ODAD2: variants seen among roughly 807,000 people sequenced by gnomAD.
ODAD2 encodes the protein outer dynein arm docking complex subunit 2.
A neutral mutation model predicts 106.8 loss-of-function variants in ODAD2; 89 were observed. The ratio of observed to expected loss-of-function variants is 0.83; its 90% confidence interval spans 0.70 to 0.99. ODAD2 has a LOEUF of 0.99. Among genes scored for constraint, ODAD2 ranks in the 50% least tolerant of loss-of-function variants. The probability of loss-of-function intolerance (pLI) is 0.00; values close to 1 mark genes in which losing one functional copy is unlikely to be tolerated. For synonymous variants in ODAD2, 404 were observed against 436.2 expected, an observed-to-expected ratio of 0.93 and a Z score of 0.92; for missense variants, 1,168 against 1,238.5, an observed-to-expected ratio of 0.94 and a Z score of 0.85.
At chr10:27,994,863 T>C in intron 2 of ODAD2, 56 bp downstream of exon 2, 1 of 1,578,574 alleles carries the variant, frequency 6.3e-7, no homozygotes, top group Non-Finnish European at 8.6e-7. Context: ...TAGAACCAAT[T>C]GATAATACTA....
chr10:27,937,569 T>C (rs991102871), intron 14 of ODAD2, among the ~76,000 whole-genome samples: 1 of 152,210 alleles, frequency 6.6e-6, no homozygotes, highest in African/African-American at 2.4e-5. Context: ...AAATATTTAC[T>C]GCACAGATGG....
chr10:27,893,193 TAAAAG>T (rs1842669585), intron 17 of ODAD2, among the ~76,000 whole-genome samples: 1 of 151,148 alleles, frequency 6.6e-6, no homozygotes. Context: ...GAAAGAAAAG[TAAAAG>T]AAAAGAGAAA....
chr10:27,954,304 TA>T (rs1273018613), intron 10 of ODAD2, among the ~76,000 whole-genome samples: 1 of 152,196 alleles, frequency 6.6e-6, no homozygotes, highest in Non-Finnish European at 1.5e-5. Flanking sequence ...AAGCATATTT[TA>T]AGGAACAAAA....
chr10:27,961,764 T>G (rs370903148), intron 9 of ODAD2, 49 bp from the exon 10 acceptor site: 2 of 1,548,448 alleles, frequency 1.3e-6, no homozygotes, highest in African/African-American at 2.7e-5. Context: ...AGTGTGGAGA[T>G]CTATTAAGAC....
At chr10:27,872,705 C>A (rs548855378) in intron 17 of ODAD2, among the ~76,000 whole-genome samples, 1 of 151,886 alleles carries the variant, frequency 6.6e-6, no homozygotes, top group Non-Finnish European at 1.5e-5. Flanking sequence ...AGGGATGAAG[C>A]CCACTTGATC....
At chr10:27,945,105 T>C (rs1846802343) in intron 10 of ODAD2, 143 bp from the exon 11 acceptor site, 1 of 911,344 alleles carries the variant, frequency 1.1e-6, no homozygotes, top group Non-Finnish European at 1.7e-6. Flanking sequence ...AGCCGAAGCA[T>C]GGAAAAGCTG....
chr10:27,843,302 A>G (rs1420721210), intron 19 of ODAD2, among the ~76,000 whole-genome samples: 3 of 152,242 alleles, frequency 2.0e-5, no homozygotes, highest in African/African-American at 7.2e-5. Flanking sequence ...GATCGAGCTG[A>G]ATCAATAGTA....
chr10:27,866,207 T>C (rs1371009522), intron 17 of ODAD2, among the ~76,000 whole-genome samples: 2 of 152,138 alleles, frequency 1.3e-5, no homozygotes, highest in African/African-American at 2.4e-5. Flanking sequence ...TTGAGGCAGT[T>C]AGTGGTGGTA....
intron 16 of ODAD2, among the ~76,000 whole-genome samples, chr10:27,914,709 T>C (rs921886479): frequency 6.6e-6 from 1 of 151,466 alleles, no homozygotes; most frequent in Admixed American, 6.6e-5. Flanking sequence ...TGTGTGTGTA[T>C]ATAAATATGC....
intron 17 of ODAD2, among the ~76,000 whole-genome samples, chr10:27,900,690 G>C (rs1182937312): frequency 1.3e-5 from 2 of 152,096 alleles, no homozygotes; most frequent in Admixed American, 1.3e-4. Context: ...TAGCTGAATC[G>C]ATCAGGCGGA....
chr10:27,829,023 C>T (rs1028961154), intron 19 of ODAD2, among the ~76,000 whole-genome samples: 5 of 151,860 alleles, frequency 3.3e-5, no homozygotes, highest in Non-Finnish European at 2.9e-5. Context: ...ATTTAAAATA[C>T]ATGATGGGAT....
chr10:27,977,522 G>T (rs959024130), intron 7 of ODAD2, among the ~76,000 whole-genome samples: 1 of 151,892 alleles, frequency 6.6e-6, no homozygotes, highest in South Asian at 2.1e-4. Flanking sequence ...AGCCAAGATC[G>T]ATCATGCCAC....
At chr10:27,942,886 A>G (rs1846558463) in intron 12 of ODAD2, among the ~76,000 whole-genome samples, 1 of 152,228 alleles carries the variant, frequency 6.6e-6, no homozygotes, top group South Asian at 2.1e-4. Context: ...ATACATTTAT[A>G]GTGCTTTACA....
At chr10:27,919,520 A>C (rs1467816760) in intron 16 of ODAD2, among the ~76,000 whole-genome samples, 1 of 152,152 alleles carries the variant, frequency 6.6e-6, no homozygotes, top group African/African-American at 2.4e-5. Flanking sequence ...GCCACAAAAC[A>C]ATATATACAA....
At position 27,944,211 on chromosome 10, in the gene ODAD2, C is replaced by T. The variant is rs74127161; in HGVS notation, c.1743+11G>A. 1.1e-3 allele frequency: 1,781 copies of T among 1,605,582 alleles called. 28 individuals are homozygous for T. In the African/African-American group the frequency reaches 0.02, roughly 18 times the overall value. On this transcript the variant is annotated intron_variant, in intron 12 of 19. Coordinates refer to ENST00000305242, the MANE Select transcript of ODAD2 (RefSeq NM_018076.5). ...GCACTAGATGACGATGACAACATCA[C>T]GGCTACTCACCAGTTTGGTGATACC...
intron 16 of ODAD2, among the ~76,000 whole-genome samples, chr10:27,911,898 G>A (rs1294799949): frequency 6.6e-6 from 1 of 152,146 alleles, no homozygotes; most frequent in African/African-American, 2.4e-5. Flanking sequence ...GAATACTGAT[G>A]AAATGGATCT....
intron 12 of ODAD2, among the ~76,000 whole-genome samples, 173 bp from the exon 13 acceptor site, chr10:27,940,978 T>C (rs371798118): frequency 2.1e-4 from 32 of 152,214 alleles, no homozygotes; most frequent in African/African-American, 7.0e-4. Context: ...AACAAAACCC[T>C]ACAAAAAACC....
intron 19 of ODAD2, among the ~76,000 whole-genome samples, chr10:27,817,395 C>G (rs1836223333): frequency 6.6e-6 from 1 of 152,134 alleles, no homozygotes; most frequent in Admixed American, 6.5e-5. Flanking sequence ...AAATTTCTTA[C>G]ATGCATATAT....
intron 16 of ODAD2, among the ~76,000 whole-genome samples, chr10:27,931,127 A>C (rs1373491577): frequency 6.6e-6 from 1 of 151,148 alleles, no homozygotes; most frequent in Non-Finnish European, 1.5e-5. Context: ...TTAAAAAAAA[A>C]GAAAGAAAGA....
Sources: allele counts gnomAD v4.1 joint callset (sites outside exome capture counted in the v4.1 genomes callset), GRCh38; gene constraint gnomAD v4.1.1; transcripts MANE v1.5; gene names NCBI Gene and HGNC (gene_info 2026-07-23, HGNC 2026-07-21).